RAB9B: variants seen among roughly 807,000 people sequenced by gnomAD.
The protein encoded by RAB9B is ras-related protein Rab-9B.
A neutral mutation model predicts 8.9 loss-of-function variants in RAB9B; 1 was observed. That is an observed-to-expected ratio of 0.11 (90% confidence interval 0.04 to 0.53). The LOEUF (loss-of-function observed/expected upper bound fraction) is 0.53. RAB9B is among the 20% of genes least tolerant of loss of function. RAB9B has a pLI of 0.93. For synonymous variants in RAB9B, 63 were observed against 57.0 expected, an observed-to-expected ratio of 1.10 and a Z score of -0.47; for missense variants, 82 against 152.9, an observed-to-expected ratio of 0.54 and a Z score of 2.45.
At chrX:103,819,955 G>A (rs1377887055), downstream of RAB9B, among the ~76,000 whole-genome samples, 1 of 112,364 alleles carries the variant, frequency 8.9e-6, no homozygotes, top group Non-Finnish European at 1.9e-5. Flanking sequence ...ATTATAAGGA[G>A]ATGGGGCCTT....
the RAB9B span, among the ~76,000 whole-genome samples, chrX:103,813,660 T>C: frequency 2.0e-5 from 2 of 101,061 alleles, no homozygotes; most frequent in Admixed American, 2.3e-4. Context: ...CAGTGTGCTG[T>C]ATTCAGGAGA....
At chrX:103,786,212 C>T in the RAB9B span, 1 of 1,138,728 alleles carries the variant, frequency 8.8e-7, no homozygotes, top group Admixed American at 2.6e-5. Flanking sequence ...AGAGTAGGTC[C>T]CTGGTTCTCC....
the RAB9B span, among the ~76,000 whole-genome samples, chrX:103,810,066 A>T: frequency 9.0e-6 from 1 of 111,686 alleles, no homozygotes; most frequent in Non-Finnish European, 1.9e-5. Flanking sequence ...AGAATCATAC[A>T]CATGGAAAGT....
At chrX:103,786,208 G>A in the RAB9B span, 2 of 1,137,320 alleles carry the variant, frequency 1.8e-6, no homozygotes, top group South Asian at 3.8e-5. Context: ...AGGGAGAGTA[G>A]GTCCCTGGTT....
chrX:103,782,766 C>T, the RAB9B span, among the ~76,000 whole-genome samples: 2 of 98,287 alleles, frequency 2.0e-5, no homozygotes, highest in South Asian at 1.0e-3. Context: ...ACAAACAGTC[C>T]TGCCATTGTT....
chrX:103,814,736 T>TA, the RAB9B span, among the ~76,000 whole-genome samples: 1 of 111,044 alleles, frequency 9.0e-6, no homozygotes, highest in East Asian at 2.8e-4. Flanking sequence ...ATACACGCAA[T>TA]AAAAAATGAT....
chrX:103,829,777 CCTGT>C (rs1043015951), intron 1 of RAB9B, among the ~76,000 whole-genome samples: 19 of 111,993 alleles, frequency 1.7e-4, no homozygotes, highest in African/African-American at 4.5e-4. Flanking sequence ...ACAAACTTTT[CCTGT>C]CTTTCTTACA....
At position 103,823,210 on chromosome X, in the gene RAB9B, T is replaced by C. The variant is rs762582850; in HGVS notation, c.*1969A>G. 5.4e-5 allele frequency: 6 copies of C among 111,402 alleles called. No individual in the cohort carries two copies. The highest frequency in any genetic ancestry group is 1.1e-4 in the Non-Finnish European group (6 of 53,073). 9.2% of individuals were successfully genotyped at this position (111,402 alleles called of 1,213,427 possible). A position where few individuals can be genotyped will look rare whatever the true frequency, so the allele number is the denominator to read the frequency against. On this transcript the variant is annotated 3_prime_UTR_variant, in exon 3 of 3. Coordinates refer to ENST00000243298, the MANE Select transcript of RAB9B (RefSeq NM_016370.4). ...CGTACAGATTTTCACCCTAACATGATTGTAGCAAAATGATCACAGAACTTG... is the reference window on the plus strand; with the variant it reads ...CGTACAGATTTTCACCCTAACATGACTGTAGCAAAATGATCACAGAACTTG...
Position 103,824,171 on chromosome X carries a change from CTAGTTGAACA to C in RAB9B, c.*998_*1007del, listed in dbSNP as rs1316264842. ...TGTCACTTTCAATGTCCTAATTAGG[CTAGTTGAACA>C]TACAGTGCAACATATAAGAAACCAG... On this transcript the variant is annotated 3_prime_UTR_variant, in exon 3 of 3. Coordinates refer to ENST00000243298, the MANE Select transcript of RAB9B (RefSeq NM_016370.4). 1 of 112,096 alleles carries C rather than the reference CTAGTTGAACA, an allele frequency of 8.9e-6. No homozygotes were observed. The highest frequency in any genetic ancestry group is 1.9e-5 in the Non-Finnish European group (1 of 53,244). 9.2% of individuals were successfully genotyped at this position (112,096 alleles called of 1,213,427 possible).
the RAB9B span, among the ~76,000 whole-genome samples, chrX:103,813,745 C>CAA: frequency 0.41 from 3,513 of 8,531 alleles, 1,392 homozygotes; most frequent in Non-Finnish European, 0.48. Context: ...AAATGGAAAG[C>CAA]AAAAAAAAAA....
At chrX:103,791,167 A>G in the RAB9B span, 2 of 119,261 alleles carry the variant, frequency 1.7e-5, no homozygotes, top group South Asian at 6.2e-4. Flanking sequence ...AAGGGGGTCA[A>G]AGCAAGGATC....
the RAB9B span, among the ~76,000 whole-genome samples, chrX:103,804,680 G>A: frequency 9.0e-6 from 1 of 111,575 alleles, no homozygotes; most frequent in African/African-American, 3.3e-5. Flanking sequence ...GTTTATTTAG[G>A]TCTTGTTTAA....
At chrX:103,780,897 C>A in the RAB9B span, 5 of 117,561 alleles carry the variant, frequency 4.3e-5, no homozygotes, top group Admixed American at 4.3e-4. Context: ...ATCAAGGAGG[C>A]CTCTGTTCAT....
the RAB9B span, among the ~76,000 whole-genome samples, chrX:103,784,434 C>T: frequency 9.0e-6 from 1 of 111,604 alleles, no homozygotes; most frequent in East Asian, 2.8e-4. Context: ...ACAAAGTGTC[C>T]AAAATCATTA....
chrX:103,791,924 G>A, the RAB9B span: 3 of 111,995 alleles, frequency 2.7e-5, no homozygotes, highest in Non-Finnish European at 3.8e-5. Flanking sequence ...ATTTTACTTA[G>A]CAATGTTATC....
chrX:103,799,756 A>G, the RAB9B span, among the ~76,000 whole-genome samples: 5 of 112,497 alleles, frequency 4.4e-5, no homozygotes, highest in African/African-American at 6.4e-5. Context: ...TCATGCAACC[A>G]TTACTCAGCT....
At chrX:103,810,071 G>A in the RAB9B span, among the ~76,000 whole-genome samples, 1 of 111,615 alleles carries the variant, frequency 9.0e-6, no homozygotes, top group Non-Finnish European at 1.9e-5. Context: ...CATACACATG[G>A]AAAGTGAGAC....
the RAB9B span, among the ~76,000 whole-genome samples, chrX:103,782,760 A>G: frequency 9.6e-6 from 1 of 104,338 alleles, no homozygotes. Context: ...GGCTAAACAA[A>G]CAGTCCTGCC....
At chrX:103,801,704 A>G in the RAB9B span, among the ~76,000 whole-genome samples, 1 of 112,140 alleles carries the variant, frequency 8.9e-6, no homozygotes, top group Non-Finnish European at 1.9e-5. Flanking sequence ...ACCCAAAGTT[A>G]CAGGCTGGTA....
Sources: gnomAD v4.1 joint callset for allele counts (sites outside exome capture counted in the v4.1 genomes callset) on GRCh38, gnomAD v4.1.1 for gene constraint, MANE v1.5 for transcripts, NCBI Gene and HGNC (gene_info 2026-07-23, HGNC 2026-07-21) for gene names.